PDE1C: variants seen among roughly 807,000 people sequenced by gnomAD.
PDE1C encodes dual specificity calcium/calmodulin-dependent 3',5'-cyclic nucleotide phosphodiesterase 1C.
Under a neutral mutation model 93.1 loss-of-function variants are expected in PDE1C, and 62 were observed. The ratio of observed to expected loss-of-function variants is 0.67; its 90% CI spans 0.54 to 0.82. The LOEUF is 0.82. Ranked by LOEUF, PDE1C falls within the 40% of genes least tolerant of loss-of-function variation. The pLI is 0.00. For synonymous variants in PDE1C, 325 were observed against 310.1 expected (o/e 1.05, Z -0.50); for missense variants, 742 against 884.6 (o/e 0.84, Z 2.04).
At chr7:32,220,921 C>G (rs529299812) in intron 1 of PDE1C, among the ~76,000 whole-genome samples, 37 of 152,346 alleles carry the variant, frequency 2.4e-4, no homozygotes, top group African/African-American at 8.9e-4. Flanking sequence ...CATGCCTGAA[C>G]TGTCTCTAGG....
chr7:32,211,649 G>T (rs910425853), intron 1 of PDE1C, among the ~76,000 whole-genome samples: 1 of 152,098 alleles, frequency 6.6e-6, no homozygotes, highest in Non-Finnish European at 1.5e-5. Flanking sequence ...ATGAGTCCCA[G>T]TTAGGTATAG....
intron 1 of PDE1C, among the ~76,000 whole-genome samples, chr7:32,063,384 G>A (rs1182836281): frequency 6.6e-6 from 1 of 152,120 alleles, no homozygotes; most frequent in Non-Finnish European, 1.5e-5. Flanking sequence ...TGGAAACCAA[G>A]GAAAGTAGTC....
In PDE1C at chr7:31,874,550, T is replaced by G. The variant is rs1009617248; in HGVS notation, c.493-1142A>C. Among the ~76,000 whole-genome samples the G allele has an allele frequency of 2.0e-5, 3 of 152,242 alleles. No individual in the cohort carries two copies. The South Asian group carries it at 6.2e-4, about 31-fold the overall frequency. On this transcript the variant is annotated intron_variant, in intron 5 of 17. Coordinates refer to ENST00000396191, the MANE Select transcript of PDE1C (RefSeq NM_001191057.4). ...ACATAATCCATCCATCCTAATTTTG[T>G]TCCTGACCAAACATTCCAACTGTCA...
At chr7:32,310,355 T>C (rs1166085750) in intron 1 of PDE1C, among the ~76,000 whole-genome samples, 1 of 152,048 alleles carries the variant, frequency 6.6e-6, no homozygotes, top group Non-Finnish European at 1.5e-5. Context: ...GACAGAAAGT[T>C]AGCAAGGATA....
At chr7:32,071,410 C>G (rs1796047760), upstream of PDE1C, 1 of 985,408 alleles carries the variant, frequency 1.0e-6, no homozygotes, top group East Asian at 1.1e-4. Flanking sequence ...ACACACCACA[C>G]TCAAAAACTC....
chr7:32,191,080 ATGTGGTACTCTAAGGGCTT>A (rs1804197884), intron 2 of PDE1C, among the ~76,000 whole-genome samples: 1 of 152,204 alleles, frequency 6.6e-6, no homozygotes. Context: ...GAAGGAGCTT[ATGTGGTACTCTAAGGGCTT>A]TGACTTTATT....
chr7:31,943,225 G>T (rs558579372), intron 2 of PDE1C, among the ~76,000 whole-genome samples: 5 of 152,254 alleles, frequency 3.3e-5, no homozygotes, highest in African/African-American at 1.2e-4. Flanking sequence ...CACAGGATTA[G>T]TTCATGTAAG....
At chr7:32,070,429 GATAGTTTGGGCTGTC>G, upstream of PDE1C, 1 of 1,613,162 alleles carries the variant, frequency 6.2e-7, no homozygotes, top group Non-Finnish European at 8.5e-7. Flanking sequence ...GTGAAGCTGA[GATAGTTTGGGCTGTC>G]CCCTCCCCGT....
intron 3 of PDE1C, among the ~76,000 whole-genome samples, chr7:32,077,065 C>T (rs1275862327): frequency 6.6e-6 from 1 of 152,028 alleles, no homozygotes; most frequent in East Asian, 1.9e-4. Flanking sequence ...GGTGGTGTAA[C>T]CCAATCTCTA....
At chr7:31,861,801 G>A (rs1462140623) in intron 7 of PDE1C, among the ~76,000 whole-genome samples, 1 of 152,096 alleles carries the variant, frequency 6.6e-6, no homozygotes, top group East Asian at 1.9e-4. Context: ...ATTCACCACA[G>A]TAATCCTTTT....
At chr7:32,080,795 A>C (rs1315660435) in intron 3 of PDE1C, among the ~76,000 whole-genome samples, 1 of 152,220 alleles carries the variant, frequency 6.6e-6, no homozygotes, top group Non-Finnish European at 1.5e-5. Flanking sequence ...AATATAAAAG[A>C]ATAACATATC....
At position 31,803,866 on chromosome 7, in the gene PDE1C, G is replaced by A. The variant is rs191143540; in HGVS notation, c.1891+5165C>T. On this transcript the variant is annotated intron_variant, in intron 16 of 17. Coordinates refer to ENST00000396191, the MANE Select transcript of PDE1C (RefSeq NM_001191057.4). ...AGTGCTGCTATAAACATTCGTGAGC[G>A]TGTGTCTTTATAGCAGCATGATTTA... Among the ~76,000 whole-genome samples, 83 of 151,992 alleles carry A rather than the reference G, an allele frequency of 5.5e-4. No homozygotes were observed. In the East Asian group the frequency reaches 8.8e-3, roughly 16 times the overall value.
intron 2 of PDE1C, among the ~76,000 whole-genome samples, chr7:31,961,834 A>C (rs1809038363): frequency 6.6e-6 from 1 of 152,204 alleles, no homozygotes; most frequent in Admixed American, 6.5e-5. Context: ...ATCTCCAGAA[A>C]CCATTTTCTT....
At chr7:32,420,640 T>C (rs1239574825) in intron 1 of PDE1C, among the ~76,000 whole-genome samples, 1 of 151,888 alleles carries the variant, frequency 6.6e-6, no homozygotes, top group East Asian at 1.9e-4. Flanking sequence ...TTGTAATTGT[T>C]CAAGTAATGT....
At chr7:31,695,947 C>T in the PDE1C span, 1 of 176,140 alleles carries the variant, frequency 5.7e-6, no homozygotes, top group Admixed American at 6.2e-5. Flanking sequence ...TGAGCAAAGT[C>T]ACCACAAGCT....
intron 1 of PDE1C, among the ~76,000 whole-genome samples, chr7:32,381,532 G>A (rs1784534294): frequency 6.6e-6 from 1 of 151,980 alleles, no homozygotes; most frequent in African/African-American, 2.4e-5. Flanking sequence ...CAGCACCCTG[G>A]CCTCCTTACT....
At chr7:31,623,198 C>T in the PDE1C span, among the ~76,000 whole-genome samples, 1 of 152,138 alleles carries the variant, frequency 6.6e-6, no homozygotes, top group East Asian at 1.9e-4. Flanking sequence ...GGTACCATTC[C>T]TTCTGAAACT....
At chr7:32,011,460 G>A (rs367878943) in intron 2 of PDE1C, among the ~76,000 whole-genome samples, 15 of 152,190 alleles carry the variant, frequency 9.9e-5, no homozygotes, top group African/African-American at 3.6e-4. Context: ...CCAAAGTGCT[G>A]GGATTACAGG....
chr7:32,343,385 G>A (rs215675), intron 1 of PDE1C, among the ~76,000 whole-genome samples: 121,750 of 152,108 alleles, frequency 0.8, 49,074 homozygotes, highest in Admixed American at 0.85. Context: ...CACCTGATTC[G>A]TAGAACCTCT....
Sources: gnomAD v4.1 joint callset for allele counts (sites outside exome capture counted in the v4.1 genomes callset) on GRCh38, gnomAD v4.1.1 for gene constraint, MANE v1.5 for transcripts, NCBI Gene and HGNC (gene_info 2026-07-23, HGNC 2026-07-21) for gene names.